PRKG1: variants seen among roughly 807,000 people sequenced by gnomAD.
PRKG1 encodes cGMP-dependent protein kinase 1.
A neutral mutation model predicts 88.1 loss-of-function variants in PRKG1; 35 were observed. That is an observed-to-expected ratio of 0.40 (90% CI 0.30 to 0.53). The LOEUF is 0.53. Ranked by LOEUF, PRKG1 falls within the 20% of genes least tolerant of loss-of-function variation. The pLI is 0.59. For missense variants in PRKG1, 540 were observed against 839.8 expected, an observed-to-expected ratio of 0.64 and a Z score of 4.41; for synonymous variants, 303 against 292.5, an observed-to-expected ratio of 1.04 and a Z score of -0.37.
intron 5 of PRKG1, among the ~76,000 whole-genome samples, chr10:51,967,929 G>T (rs948116920): frequency 6.6e-6 from 1 of 152,136 alleles, no homozygotes; most frequent in African/African-American, 2.4e-5. Context: ...TTTGTCATCA[G>T]AATCCCACCA....
At position 51,954,862 on chromosome 10, in the gene PRKG1, T is replaced by G. The variant is rs539344149; in HGVS notation, c.762+47292T>G. Among the ~76,000 whole-genome samples the G allele has an allele frequency of 7.9e-5, 12 of 152,280 alleles. No homozygotes were observed. The South Asian group carries it at 8.3e-4, about 11-fold the overall frequency. ...TCTAAATTTACAAAGATGGAGAGAA[T>G]AGTGTAATCACCTCCCAACCATGTA... On this transcript the variant is annotated intron_variant, in intron 5 of 17. Transcript: ENST00000373980.
chr10:51,883,830 T>G (rs186808615), intron 4 of PRKG1, among the ~76,000 whole-genome samples: 22 of 152,264 alleles, frequency 1.4e-4, no homozygotes, highest in African/African-American at 5.1e-4. Flanking sequence ...TGCCTCCACC[T>G]TTATCGTCTT....
intron 2 of PRKG1, among the ~76,000 whole-genome samples, chr10:51,292,523 C>T (rs1051806236): frequency 1.3e-5 from 2 of 152,048 alleles, no homozygotes; most frequent in African/African-American, 4.8e-5. Context: ...ACCTTTGAAT[C>T]TTGTTCAATA....
chr10:51,398,774 C>T (rs957613591), intron 2 of PRKG1, among the ~76,000 whole-genome samples: 3 of 152,172 alleles, frequency 2.0e-5, no homozygotes, highest in Non-Finnish European at 4.4e-5. Context: ...GAGTGGCTCT[C>T]ATCTAATTAG....
intron 3 of PRKG1, among the ~76,000 whole-genome samples, chr10:51,645,436 C>T (rs967720532): frequency 1.6e-4 from 24 of 152,102 alleles, no homozygotes; most frequent in Admixed American, 6.6e-5. Flanking sequence ...TTCAATTTCT[C>T]CTGAAAATCA....
At chr10:51,195,931 G>A (rs1436707618) in intron 2 of PRKG1, among the ~76,000 whole-genome samples, 1 of 152,164 alleles carries the variant, frequency 6.6e-6, no homozygotes, top group Non-Finnish European at 1.5e-5. Context: ...ATGACTTTAT[G>A]TTTAAGTCTG....
At chr10:51,554,576 A>G (rs564964202) in intron 3 of PRKG1, among the ~76,000 whole-genome samples, 166 of 151,328 alleles carry the variant, frequency 1.1e-3, no homozygotes, top group African/African-American at 3.7e-3. Context: ...GACTTCCAAG[A>G]GACACTATCT....
intron 7 of PRKG1, among the ~76,000 whole-genome samples, chr10:52,106,760 T>C (rs910218738): frequency 2.6e-4 from 38 of 146,860 alleles, no homozygotes; most frequent in African/African-American, 9.3e-4. Flanking sequence ...AGTAAATAAA[T>C]AAAAATGTTG....
chr10:51,643,885 C>T (rs1018507764), intron 3 of PRKG1, among the ~76,000 whole-genome samples: 3 of 152,144 alleles, frequency 2.0e-5, no homozygotes, highest in African/African-American at 7.2e-5. Flanking sequence ...TCCCATCACC[C>T]AGCATCAACA....
At chr10:51,397,932 G>A (rs868653183) in intron 2 of PRKG1, among the ~76,000 whole-genome samples, 8 of 152,184 alleles carry the variant, frequency 5.3e-5, no homozygotes, top group African/African-American at 1.9e-4. Context: ...TTGCAAGTGA[G>A]CATGTGGCTT....
intron 5 of PRKG1, among the ~76,000 whole-genome samples, chr10:51,944,560 T>C (rs1445598021): frequency 1.3e-5 from 2 of 152,134 alleles, no homozygotes. Context: ...GTGTCAATTT[T>C]GGATCTTTCC....
At chr10:51,475,733 GA>G (rs1396158428) in intron 3 of PRKG1, among the ~76,000 whole-genome samples, 1 of 151,862 alleles carries the variant, frequency 6.6e-6, no homozygotes, top group Non-Finnish European at 1.5e-5. Context: ...ATTAAAAGAA[GA>G]ACAGATTGAG....
intron 9 of PRKG1, among the ~76,000 whole-genome samples, chr10:52,215,025 TAA>T (rs1840074507): frequency 7.8e-6 from 1 of 127,858 alleles, no homozygotes; most frequent in South Asian, 2.8e-4. Context: ...AAAATAATGA[TAA>T]AAGTTTTTTC....
intron 2 of PRKG1, among the ~76,000 whole-genome samples, chr10:51,424,413 C>G (rs1028869174): frequency 6.6e-6 from 1 of 151,764 alleles, no homozygotes; most frequent in Admixed American, 6.6e-5. Flanking sequence ...CTTTCAAGAA[C>G]TTTTTAGATT....
intron 1 of PRKG1, among the ~76,000 whole-genome samples, chr10:51,065,368 A>G (rs984187756): frequency 6.5e-4 from 99 of 152,226 alleles, no homozygotes; most frequent in African/African-American, 2.3e-3. Context: ...GAGAGAGTTG[A>G]AAAAAGTAGT....
chr10:51,934,332 G>C lies in PRKG1; in HGVS notation c.762+26762G>C, dbSNP rs935946508. Among the ~76,000 whole-genome samples, 157 of 151,546 alleles carry C rather than the reference G, an allele frequency of 1.0e-3. 1 individual carries two copies. Among genetic ancestry groups the C allele is most frequent in the Non-Finnish European group, 1.8e-3 (123 of 67,904 alleles). ...TGAGTTGTGTCAGCCAAAGTGCAAT[G>C]TGCATTAAGGAACAATTCTACACAC... On this transcript the variant is annotated intron_variant, in intron 5 of 17. Transcript: ENST00000373980.
intron 3 of PRKG1, among the ~76,000 whole-genome samples, chr10:51,567,744 G>A (rs759301117): frequency 4.6e-5 from 7 of 152,006 alleles, no homozygotes; most frequent in South Asian, 4.2e-4. Flanking sequence ...GCACCACCAC[G>A]CCCAGCTAAT....
chr10:51,713,685 T>C (rs182782901), intron 3 of PRKG1, among the ~76,000 whole-genome samples: 43 of 152,220 alleles, frequency 2.8e-4, no homozygotes, highest in African/African-American at 8.9e-4. Flanking sequence ...TTAAATAGAG[T>C]ATTAAGATGG....
intron 1 of PRKG1, among the ~76,000 whole-genome samples, chr10:51,116,929 G>A (rs1158895511): frequency 6.6e-6 from 1 of 152,192 alleles, no homozygotes; most frequent in Non-Finnish European, 1.5e-5. Flanking sequence ...ATAAGTGGCT[G>A]TTGAAGGCAT....
Sources: allele counts gnomAD v4.1 joint callset (sites outside exome capture counted in the v4.1 genomes callset), GRCh38; gene constraint gnomAD v4.1.1; transcripts MANE v1.5; gene names NCBI Gene and HGNC (gene_info 2026-07-23, HGNC 2026-07-21).